Variants in IL27RA observed in about 807,000 individuals in gnomAD.
The protein encoded by IL27RA is interleukin 27 receptor subunit alpha.
Under a neutral mutation model 80.8 loss-of-function variants are expected in IL27RA, and 61 were observed. The ratio of observed to expected loss-of-function variants is 0.76; its 90% CI spans 0.61 to 0.93. The LOEUF is 0.93. Among genes scored for constraint, IL27RA ranks in the 40% least tolerant of loss-of-function variants. The pLI is 0.00. For synonymous variants in IL27RA, 316 were observed against 332.5 expected, an observed-to-expected ratio of 0.95 and a Z score of 0.54; for missense variants, 735 against 808.1, an observed-to-expected ratio of 0.91 and a Z score of 1.10.
In IL27RA at chr19:14,035,428, T is replaced by C. The variant is rs563995309; in HGVS notation, c.218+2925T>C. ...TTTTTTATTTGAGATGGAGTTTCGCTCTTGTTGCCCAGGCTGGAGTGCAAT... is the reference window on the plus strand; with the variant it reads ...TTTTTTATTTGAGATGGAGTTTCGCCCTTGTTGCCCAGGCTGGAGTGCAAT... On this transcript the variant is annotated intron_variant, in intron 2 of 13. Coordinates refer to ENST00000263379, the MANE Select transcript of IL27RA (RefSeq NM_004843.4). Among the ~76,000 whole-genome samples the C allele has an allele frequency of 4.6e-5, 7 of 151,774 alleles. No homozygotes were observed. The East Asian group carries it at 1.4e-3, about 29-fold the overall frequency.
In IL27RA at chr19:14,051,649, TGTG is replaced by T; in HGVS notation, c.1573_1575del (p.Trp525del). On this transcript the variant is annotated inframe_deletion, in exon 12 of 14. Transcript: ENST00000263379. ...AAAGTTCTGCCGGGCATCCTATTCT[TGTG>T]GGGCTTGTTCCTGTTGGGGTGTGGC... The T allele has an allele frequency of 1.2e-6, 2 of 1,613,310 alleles. No homozygotes were observed. Among genetic ancestry groups the T allele is most frequent in the Non-Finnish European group, 1.7e-6 (2 of 1,179,544 alleles).
At chr19:14,042,391 A>T (rs1011618716) in intron 4 of IL27RA, 62 bp from the exon 5 acceptor site, 8 of 1,494,920 alleles carry the variant, frequency 5.4e-6, no homozygotes, top group Non-Finnish European at 7.3e-6. Context: ...AAAAAAAAAG[A>T]TAAGTTCAAA....
chr19:14,049,698 C>T (rs955450063), intron 10 of IL27RA, among the ~76,000 whole-genome samples: 1 of 151,530 alleles, frequency 6.6e-6, no homozygotes, highest in Non-Finnish European at 1.5e-5. Context: ...TCTCCTGCCT[C>T]AGCCTCCTGA....
intron 2 of IL27RA, among the ~76,000 whole-genome samples, chr19:14,033,941 C>A (rs946767693): frequency 2.0e-5 from 3 of 151,656 alleles, no homozygotes; most frequent in Non-Finnish European, 2.9e-5. Flanking sequence ...TCCAGCCTGG[C>A]CGACAGAGCG....
intron 4 of IL27RA, 74 bp from the exon 5 acceptor site, chr19:14,042,378 GA>G (rs922566791): frequency 9.7e-3 from 11,037 of 1,132,078 alleles, no homozygotes; most frequent in South Asian, 0.012. Context: ...AAAAACAAAG[GA>G]AAAAAAAAAA....
At chr19:14,046,804 C>T (rs1976074520) in intron 8 of IL27RA, among the ~76,000 whole-genome samples, 186 bp downstream of exon 8, 1 of 152,164 alleles carries the variant, frequency 6.6e-6, no homozygotes, top group Admixed American at 6.5e-5. Flanking sequence ...GGACACCAGC[C>T]TGGCCAACAT....
rs145423995 is a variant in IL27RA, at chr19:14,035,350, A to C, written c.218+2847A>C. 1.5e-4 allele frequency among the ~76,000 whole-genome samples: 23 copies of C among 151,598 alleles called. No homozygotes were observed. In the East Asian group the frequency reaches 4.6e-3, roughly 30 times the overall value. On this transcript the variant is annotated intron_variant, in intron 2 of 13. Transcript: ENST00000263379. ...TGTCCAGTTCAGTGGCATTAAGTAC[A>C]TTCCCATGGTGCTATCCCGGTTACC...
Position 14,051,975 on chromosome 19 carries a change from T to C in IL27RA, c.1716+2T>C. 6.3e-7 allele frequency: 1 copy of C among 1,577,820 alleles called. No homozygotes were observed. The highest frequency in any genetic ancestry group is 8.6e-7 in the Non-Finnish European group (1 of 1,162,010). ...AGTTCAGGCCAGCCCCACATGGAGG[T>C]GAGTCAAAGGGCCGGCTAGTCGGAG... On this transcript the variant is annotated splice_donor_variant, in intron 13 of 13. Transcript: ENST00000263379. LOFTEE classifies it high-confidence loss of function.
At chr19:14,032,331 G>A in intron 1 of IL27RA, 55 bp from the exon 2 acceptor site, 1 of 1,349,480 alleles carries the variant, frequency 7.4e-7, no homozygotes, top group South Asian at 1.2e-5. Flanking sequence ...GGGGTGTGCA[G>A]GCGGAAGGGG....
chr19:14,051,091 A>G (rs560155262), intron 11 of IL27RA, among the ~76,000 whole-genome samples: 1 of 152,006 alleles, frequency 6.6e-6, no homozygotes, highest in East Asian at 1.9e-4. Flanking sequence ...CTCTACAAAA[A>G]ATAAAACAAT....
chr19:14,051,594 C>T lies in IL27RA; in HGVS notation c.1529-13C>T. On this transcript the variant is annotated splice_polypyrimidine_tract_variant and intron_variant, in intron 11 of 13. Transcript: ENST00000263379. ...ATAAAAAATTAAGAATGATCTCTTC[C>T]CTACCCTACCAGATAACACCCTGAG... 1 of 1,470,864 alleles carries T rather than the reference C, an allele frequency of 6.8e-7. No individual in the cohort carries two copies. Among genetic ancestry groups the T allele is most frequent in the Non-Finnish European group, 9.4e-7 (1 of 1,068,990 alleles). The allele number at this position is 1,470,864 out of a possible 1,614,324, so 91.1% of individuals were successfully genotyped here. A position where few individuals can be genotyped will look rare whatever the true frequency, so the allele number is the denominator to read the frequency against.
intron 10 of IL27RA, among the ~76,000 whole-genome samples, chr19:14,049,726 C>CT (rs1198277739): frequency 2.6e-5 from 4 of 151,586 alleles, no homozygotes; most frequent in East Asian, 2.0e-4. Flanking sequence ...GGATTACAGG[C>CT]GCATGCCACC....
Position 14,031,876 on chromosome 19 carries a change from C to CGG in IL27RA, c.7_8dup (p.Gly4GlufsTer48), listed in dbSNP as rs776680875. 2 of 1,594,844 alleles carry CGG rather than the reference C, an allele frequency of 1.3e-6. No homozygotes were observed. Among genetic ancestry groups the CGG allele is most frequent in the Non-Finnish European group, 1.7e-6 (2 of 1,172,024 alleles). On this transcript the variant is annotated frameshift_variant, in exon 1 of 14. Coordinates refer to ENST00000263379, the MANE Select transcript of IL27RA (RefSeq NM_004843.4). LOFTEE classifies it high-confidence loss of function. ...CTCGGGGCTCCCGAGGGACGCCATG[C>CGG]GGGGAGGCAGGGGCGCCCCTTTCTG...
Position 14,031,789 on chromosome 19 carries a change from G to C in IL27RA, c.-84G>C. 1 of 1,181,424 alleles carries C rather than the reference G, an allele frequency of 8.5e-7. No individual in the cohort carries two copies. The highest frequency in any genetic ancestry group is 1.2e-6 in the Non-Finnish European group (1 of 850,236). The allele number at this position is 1,181,424 out of a possible 1,614,324, so 73.2% of individuals were successfully genotyped here. A position where few individuals can be genotyped will look rare whatever the true frequency, so the allele number is the denominator to read the frequency against. On this transcript the variant is annotated 5_prime_UTR_variant, in exon 1 of 14. Transcript: ENST00000263379. ...TCGGCTTCCCGTTGCCGCCTCGGGC[G>C]CTGTACCCAGAGCTCGAAGAGGAGC...
chr19:14,038,217 G>A (rs1348726512), intron 2 of IL27RA, among the ~76,000 whole-genome samples: 1 of 151,888 alleles, frequency 6.6e-6, no homozygotes, highest in African/African-American at 2.4e-5. Flanking sequence ...GCAGTGGCAT[G>A]ACTGCAACTC....
In IL27RA at chr19:14,046,482, G is replaced by C. The variant is rs759299044; in HGVS notation, c.1005G>C (p.Thr335=). The C allele has an allele frequency of 8.7e-6, 14 of 1,614,016 alleles. No individual in the cohort carries two copies. The South Asian group carries it at 1.5e-4, about 18-fold the overall frequency. Residue 335 remains threonine, a synonymous_variant, in exon 8 of 14, where the codon ACG becomes ACC. Coordinates refer to ENST00000263379, the MANE Select transcript of IL27RA (RefSeq NM_004843.4). ...SVAVSSIAGS[T]ELLVTWQPGP... is the part of the protein sequence containing the mutation. Reference sequence around the variant, plus strand: ...CAGTCAGCAGCATCGCTGGGAGCACGGAGCTACTGGTGACCTGGCAACCGG... The same window carrying C: ...CAGTCAGCAGCATCGCTGGGAGCACCGAGCTACTGGTGACCTGGCAACCGG...
At position 14,031,767 on chromosome 19, in the gene IL27RA, G is replaced by C. The variant is rs940916369; in HGVS notation, c.-106G>C. On this transcript the variant is annotated 5_prime_UTR_variant, in exon 1 of 14. Transcript: ENST00000263379. The stretch of plus-strand genomic sequence containing the variant: ...GGAGGCGGCCTGCCGGGGTGGTTCG[G>C]CTTCCCGTTGCCGCCTCGGGCGCTG... 3.3e-6 allele frequency: 3 copies of C among 916,550 alleles called. No individual in the cohort carries two copies. The highest frequency in any genetic ancestry group is 4.8e-6 in the Non-Finnish European group (3 of 623,604). 56.8% of individuals were successfully genotyped at this position (916,550 alleles called of 1,614,324 possible). A position where few individuals can be genotyped will look rare whatever the true frequency, so the allele number is the denominator to read the frequency against.
intron 2 of IL27RA, among the ~76,000 whole-genome samples, chr19:14,034,225 T>G (rs1975864278): frequency 6.6e-6 from 1 of 152,190 alleles, no homozygotes; most frequent in South Asian, 2.1e-4. Context: ...GGACTCCATG[T>G]GTTTCTTCAT....
chr19:14,046,886 A>G (rs999451757), intron 8 of IL27RA, among the ~76,000 whole-genome samples: 23 of 151,728 alleles, frequency 1.5e-4, no homozygotes, highest in Admixed American at 9.9e-4. Flanking sequence ...AGTCCCAGCT[A>G]CTCGGGAGGC....
Sources: allele counts gnomAD v4.1 joint callset (sites outside exome capture counted in the v4.1 genomes callset), GRCh38; gene constraint gnomAD v4.1.1; transcripts MANE v1.5; gene names NCBI Gene and HGNC (gene_info 2026-07-23, HGNC 2026-07-21).